CRHR2: variants seen among roughly 807,000 people sequenced by gnomAD.
CRHR2 encodes corticotropin-releasing hormone receptor 2.
CRHR2 carries 53 observed loss-of-function variants against 57.9 expected under a neutral mutation model. The observed-to-expected ratio is 0.92, with a 90% CI of 0.73 to 1.15. The LOEUF (loss-of-function observed/expected upper bound fraction) is 1.15, where lower values mean the gene tolerates loss of function less well. Among genes scored for constraint, CRHR2 ranks in the 50% most tolerant of loss-of-function variants. CRHR2 has a pLI of 0.00. For missense variants in CRHR2, 532 were observed against 542.6 expected (o/e 0.98, Z 0.19); for synonymous variants, 213 against 220.9 (o/e 0.96, Z 0.32).
At chr7:30,694,507 C>T (rs538106286) in intron 1 of CRHR2, among the ~76,000 whole-genome samples, 6 of 152,300 alleles carry the variant, frequency 3.9e-5, no homozygotes, top group African/African-American at 7.2e-5. Context: ...CAGGGCCTGG[C>T]GACAAAGCTT....
chr7:30,656,743 T>G lies in CRHR2; in HGVS notation c.832-731A>C, dbSNP rs1584081563. Among the ~76,000 whole-genome samples, 1 of 152,196 alleles carries G rather than the reference T, an allele frequency of 6.6e-6. No individual in the cohort carries two copies. Among genetic ancestry groups the G allele is most frequent in the Non-Finnish European group, 1.5e-5 (1 of 67,988 alleles). Reference sequence around the variant, plus strand: ...GGCTCCCCAGCTGCTCCCTGCTGGGTGTGGGTCCCCATGGGCCTGCGAGTG... The same window carrying G: ...GGCTCCCCAGCTGCTCCCTGCTGGGGGTGGGTCCCCATGGGCCTGCGAGTG... On this transcript the variant is annotated intron_variant, in intron 8 of 11. Transcript: ENST00000471646. This position sits in a 1 kb window ranked among gnomAD's most constrained non-coding sequence, Gnocchi z 4.4.
At chr7:30,699,037 C>G (rs1259339560) in intron 1 of CRHR2, among the ~76,000 whole-genome samples, 1 of 152,196 alleles carries the variant, frequency 6.6e-6, no homozygotes, top group African/African-American at 2.4e-5. Context: ...GAATGGTCCC[C>G]AAAGCTGGTC....
Position 30,681,920 on chromosome 7 carries a change from G to A in CRHR2, c.224C>T (p.Thr75Met), listed in dbSNP as rs1276437916. The change falls in exon 2 of 12, where the codon ACG (threonine) becomes ATG (methionine). Residue 75 changes from threonine (T) to methionine (M), a missense_variant. Coordinates refer to ENST00000471646, the MANE Select transcript of CRHR2 (RefSeq NM_001883.5). ...CGAGGGCCGGGGGCACTCACGGGTCGTGTTGTACTTGACGCCGTTGAAGTA... is the reference window on the plus strand; with the variant it reads ...CGAGGGCCGGGGGCACTCACGGGTCATGTTGTACTTGACGCCGTTGAAGTA... ...PEYFNGVKYN[T>M]TRNAYRECLE... The A allele has an allele frequency of 2.5e-6, 4 of 1,610,950 alleles. No homozygotes were observed. The highest frequency in any genetic ancestry group is 2.2e-5 in the South Asian group (2 of 90,566).
In CRHR2 at chr7:30,665,457, ATGTC is replaced by A. The variant is rs1312846736; in HGVS notation, c.425+69_425+72del. On this transcript the variant is annotated intron_variant, in intron 4 of 11. Coordinates refer to ENST00000471646, the MANE Select transcript of CRHR2 (RefSeq NM_001883.5). This position sits in a 1 kb window ranked among gnomAD's most constrained non-coding sequence, Gnocchi z 4.5. ...GCTGGGCCCCAGAATGGAGGTGAGA[ATGTC>A]TGGGAGAGGTGAAGGGGGTGCTGTA... is the stretch of plus-strand genomic sequence containing the variant. 2.3e-6 allele frequency: 3 copies of A among 1,281,530 alleles called. No homozygotes were observed. Among genetic ancestry groups the A allele is most frequent in the Admixed American group, 4.1e-5 (2 of 48,840 alleles). 79.4% of individuals were successfully genotyped at this position (1,281,530 alleles called of 1,614,324 possible).
chr7:30,682,323 C>A lies in CRHR2; in HGVS notation c.-43G>T. 6.7e-7 allele frequency: 1 copy of A among 1,503,578 alleles called. No individual in the cohort carries two copies. The allele number at this position is 1,503,578 out of a possible 1,614,324, so 93.1% of individuals were successfully genotyped here. ...TGCGGAGAGGGAGTGGGAGTGCGCG[C>A]CCGGCGTGACTGCGAGGGAGTGGAC... On this transcript the variant is annotated 5_prime_UTR_variant, in exon 1 of 12. Coordinates refer to ENST00000471646, the MANE Select transcript of CRHR2 (RefSeq NM_001883.5).
At chr7:30,663,064 C>T (rs571419775) in intron 5 of CRHR2, among the ~76,000 whole-genome samples, 3 of 152,208 alleles carry the variant, frequency 2.0e-5, no homozygotes, top group African/African-American at 7.2e-5. Context: ...CTGGGGCCAA[C>T]GTGTTTTTTT....
At chr7:30,654,659 T>A in intron 11 of CRHR2, 2 of 1,529,020 alleles carry the variant, frequency 1.3e-6, no homozygotes, top group Non-Finnish European at 1.8e-6. Flanking sequence ...AGCGGGGGAA[T>A]GTGCTGGTCT....
At chr7:30,699,130 C>T (rs1028114297) in intron 1 of CRHR2, among the ~76,000 whole-genome samples, 2 of 152,158 alleles carry the variant, frequency 1.3e-5, no homozygotes, top group African/African-American at 4.8e-5. Flanking sequence ...ACAGGTCACC[C>T]TACCACTCTG....
At chr7:30,691,421 G>A (rs1175410000) in intron 1 of CRHR2, among the ~76,000 whole-genome samples, 4 of 152,224 alleles carry the variant, frequency 2.6e-5, no homozygotes, top group Non-Finnish European at 5.9e-5. Flanking sequence ...CCCCATCACT[G>A]AGGTGATCTC....
chr7:30,667,406 C>T, intron 2 of CRHR2, 93 bp from the exon 3 acceptor site: 1 of 949,492 alleles, frequency 1.1e-6, no homozygotes, highest in South Asian at 1.4e-5. Flanking sequence ...GGTGTACGCA[C>T]CTCAGCTCTC....
At chr7:30,669,387 G>C (rs1057177454) in intron 2 of CRHR2, among the ~76,000 whole-genome samples, 1 of 152,112 alleles carries the variant, frequency 6.6e-6, no homozygotes, top group Non-Finnish European at 1.5e-5. Context: ...TGATCAATGT[G>C]GGGGCTCCCT....
At chr7:30,683,956 T>C (rs1174997358), upstream of CRHR2, among the ~76,000 whole-genome samples, 1 of 152,198 alleles carries the variant, frequency 6.6e-6, no homozygotes, top group Non-Finnish European at 1.5e-5. Context: ...CCAGCCTCCA[T>C]ATTAATGGTG....
chr7:30,662,130 C>T (rs1317278598), intron 7 of CRHR2, 26 bp downstream of exon 7: 4 of 1,612,866 alleles, frequency 2.5e-6, no homozygotes, highest in Non-Finnish European at 3.4e-6. Flanking sequence ...TCCCCATGAC[C>T]CCCCATGGCT....
At chr7:30,658,744 A>C (rs1783883537) in intron 8 of CRHR2, among the ~76,000 whole-genome samples, 1 of 152,246 alleles carries the variant, frequency 6.6e-6, no homozygotes, top group South Asian at 2.1e-4. Context: ...TGTCTGGCCT[A>C]GTGACTGCCA....
chr7:30,663,875 C>T (rs1176994837), intron 5 of CRHR2, among the ~76,000 whole-genome samples: 1 of 152,260 alleles, frequency 6.6e-6, no homozygotes, highest in African/African-American at 2.4e-5. Context: ...TGCTTCTGCA[C>T]ACAGCCCATC....
At chr7:30,677,900 A>C (rs1055339407) in intron 2 of CRHR2, among the ~76,000 whole-genome samples, 2 of 152,172 alleles carry the variant, frequency 1.3e-5, no homozygotes, top group African/African-American at 4.8e-5. Context: ...CAAGATCCCA[A>C]CTCTACAAAA....
intron 10 of CRHR2, 93 bp from the exon 11 acceptor site, chr7:30,655,173 G>T: frequency 7.2e-7 from 1 of 1,397,376 alleles, no homozygotes; most frequent in Admixed American, 2.0e-5. Context: ...TGGTGGGGGG[G>T]GGACAATTTG....
rs140591778 is a variant in CRHR2 at position 30,653,473 on chromosome 7, G to A, written c.1223C>T (p.Thr408Met). The A allele has an allele frequency of 1.6e-4, 260 of 1,613,456 alleles. No homozygotes were observed. Among genetic ancestry groups the A allele is most frequent in the African/African-American group, 4.7e-4 (35 of 74,996 alleles). The change falls in exon 12 of 12, where the codon ACG (threonine) becomes ATG (methionine). Residue 408 changes from threonine to methionine, a missense_variant. By Grantham distance (81) the Thr-to-Met change is moderately conservative. Coordinates refer to ENST00000471646, the MANE Select transcript of CRHR2 (RefSeq NM_001883.5). The surrounding 1 kb of genome is among the most constrained non-coding windows in gnomAD (Gnocchi z 5.0). Reference sequence around the variant, plus strand: ...GCGACCGAGGGGTCACACAGCGGCCGTCTGCTTGATGCTGTGGAAGCTGAT... The same window carrying A: ...GCGACCGAGGGGTCACACAGCGGCCATCTGCTTGATGCTGTGGAAGCTGAT... ...TRISFHSIKQ[T>M]AAV is the part of the protein sequence containing the mutation.
intron 1 of CRHR2, among the ~76,000 whole-genome samples, chr7:30,693,620 A>G (rs557440607): frequency 1.3e-5 from 2 of 152,374 alleles, no homozygotes; most frequent in East Asian, 3.9e-4. Flanking sequence ...TTGAACCCAA[A>G]GAGAGGGTCA....
Sources: gnomAD v4.1 joint callset for allele counts (sites outside exome capture counted in the v4.1 genomes callset) on GRCh38, gnomAD v4.1.1 for gene constraint, Gnocchi (gnomAD v3.1) non-coding constraint, MANE v1.5 for transcripts, NCBI Gene and HGNC (gene_info 2026-07-23, HGNC 2026-07-21) for gene names.